SCML2: variants seen among roughly 807,000 people sequenced by gnomAD.
The protein encoded by SCML2 is Scm polycomb group protein like 2.
A neutral mutation model predicts 48.4 loss-of-function variants in SCML2; 6 were observed. The ratio of observed to expected loss-of-function variants is 0.12; its 90% CI spans 0.07 to 0.24. The LOEUF is 0.24. SCML2 is among the 10% of genes least tolerant of loss of function. SCML2 has a pLI of 1.00. For missense variants in SCML2, 377 were observed against 528.2 expected (o/e 0.71, Z 2.81); for synonymous variants, 181 against 189.5 (o/e 0.95, Z 0.37).
In SCML2 at chrX:18,278,096, T is replaced by G. The variant is rs1008950761; in HGVS notation, c.731-12294A>C. Among the ~76,000 whole-genome samples, 7 of 112,105 alleles carry G rather than the reference T, an allele frequency of 6.2e-5. No homozygotes were observed. The East Asian group carries it at 2.0e-3, about 31-fold the overall frequency. ...TCACTTGAGCCTGGAAGGCAGAGACTGCAGTGAGCTGAGATCATGCCACTG... is the reference window on the plus strand; with the variant it reads ...TCACTTGAGCCTGGAAGGCAGAGACGGCAGTGAGCTGAGATCATGCCACTG... On this transcript the variant is annotated intron_variant, in intron 7 of 14. Coordinates refer to ENST00000251900, the MANE Select transcript of SCML2 (RefSeq NM_006089.3).
In SCML2 at chrX:18,323,890, T is replaced by C. The variant is rs1288850107; in HGVS notation, c.366A>G (p.Glu122=). ...GAGGTTGAAGTAAGTCTCCTTCCTTTTCACATGTCCCAACAGGTTGTATGT... is the reference window on the plus strand; with the variant it reads ...GAGGTTGAAGTAAGTCTCCTTCCTTCTCACATGTCCCAACAGGTTGTATGT... ...SPDIQPVGTC[E]KEGDLLQPPL... Residue 122 remains glutamate, a synonymous_variant, in exon 5 of 15, where the codon GAA becomes GAG. Transcript: ENST00000251900. 2 of 1,208,499 alleles carry C rather than the reference T, an allele frequency of 1.7e-6. No individual in the cohort carries two copies. The highest frequency in any genetic ancestry group is 1.7e-5 in the African/African-American group (1 of 57,162).
chrX:18,274,289 C>T (rs994440876), intron 7 of SCML2, among the ~76,000 whole-genome samples: 2 of 111,944 alleles, frequency 1.8e-5, no homozygotes, highest in African/African-American at 3.3e-5. Context: ...ACCTGCCCAC[C>T]TGTATGTTCC....
At chrX:18,339,574 C>T (rs772290387) in intron 1 of SCML2, among the ~76,000 whole-genome samples, 2 of 110,668 alleles carry the variant, frequency 1.8e-5, no homozygotes, top group Non-Finnish European at 3.8e-5. Context: ...ATTAGCCGGG[C>T]GTGGTACAGC....
At chrX:18,288,562 T>G (rs966477543) in intron 7 of SCML2, among the ~76,000 whole-genome samples, 1 of 111,909 alleles carries the variant, frequency 8.9e-6, no homozygotes, top group Non-Finnish European at 1.9e-5. Context: ...TAAGTAATAT[T>G]TAGAACAAAA....
chrX:18,305,260 A>G, intron 6 of SCML2, 45 bp from the exon 7 acceptor site: 1 of 1,120,200 alleles, frequency 8.9e-7, no homozygotes, highest in Non-Finnish European at 1.2e-6. Flanking sequence ...GTTAAGATGT[A>G]TTAAGACTCA....
intron 7 of SCML2, among the ~76,000 whole-genome samples, chrX:18,302,785 A>T (rs1432696742): frequency 1.8e-5 from 2 of 112,078 alleles, no homozygotes; most frequent in Non-Finnish European, 3.8e-5. Context: ...TTTGTCAACA[A>T]GACCTATCTT....
In SCML2 at chrX:18,324,026, G is replaced by T; in HGVS notation, c.230C>A (p.Ala77Asp). The part of the protein sequence containing the change: ...MKLEARDPRN[A>D]TSVCIATVIG... The stretch of plus-strand genomic sequence containing the variant: ...AACCGTAGCAATACATACTGAAGTG[G>T]CATTGCGAGGGTCACGGGCTTCCAA... The change falls in exon 5 of 15, where the codon GCC (alanine) becomes GAC (aspartate). Residue 77 changes from alanine (A) to aspartate (D), a missense_variant. Physicochemically the swap from Ala to Asp is moderately radical, Grantham distance 126 (BLOSUM62 -2). Transcript: ENST00000251900. 3 of 1,210,732 alleles carry T rather than the reference G, an allele frequency of 2.5e-6. No homozygotes were observed. The highest frequency in any genetic ancestry group is 3.4e-6 in the Non-Finnish European group (3 of 894,911).
At chrX:18,295,678 G>T (rs1310777620) in intron 7 of SCML2, among the ~76,000 whole-genome samples, 5 of 92,737 alleles carry the variant, frequency 5.4e-5, no homozygotes, top group Non-Finnish European at 8.2e-5. Flanking sequence ...TGGACCAGAT[G>T]ACACCGGTGT....
At chrX:18,246,522 T>C in intron 13 of SCML2, 55 bp downstream of exon 13, 2 of 1,138,599 alleles carry the variant, frequency 1.8e-6, no homozygotes, top group Non-Finnish European at 1.2e-6. Flanking sequence ...CTGTTAGGTA[T>C]GAAAATCTCA....
intron 13 of SCML2, among the ~76,000 whole-genome samples, chrX:18,244,990 C>A (rs776459682): frequency 9.9e-4 from 111 of 111,595 alleles, no homozygotes; most frequent in African/African-American, 3.5e-3. Context: ...AAGAGTACAA[C>A]CCTGGAGTCA....
chrX:18,257,294 A>C (rs2147472368), intron 10 of SCML2, among the ~76,000 whole-genome samples: 1 of 111,980 alleles, frequency 8.9e-6, no homozygotes, highest in African/African-American at 3.2e-5. Flanking sequence ...CTTCTATTCC[A>C]AATATTCCAT....
chrX:18,322,615 C>A (rs781204505), intron 5 of SCML2, among the ~76,000 whole-genome samples: 6 of 111,923 alleles, frequency 5.4e-5, no homozygotes, highest in Non-Finnish European at 9.4e-5. Flanking sequence ...ATATTTTAGC[C>A]GGGCACAGTG....
intron 1 of SCML2, among the ~76,000 whole-genome samples, chrX:18,344,836 C>A (rs2147568715): frequency 1.8e-5 from 2 of 110,920 alleles, no homozygotes; most frequent in East Asian, 5.6e-4. Flanking sequence ...ATACCAGATA[C>A]CCTAGACAAA....
intron 1 of SCML2, among the ~76,000 whole-genome samples, chrX:18,353,203 G>A (rs1470547991): frequency 9.1e-6 from 1 of 109,401 alleles, no homozygotes; most frequent in Non-Finnish European, 1.9e-5. Context: ...TATTTAATGA[G>A]TAATTAAGAA....
At chrX:18,345,211 G>A (rs924971574) in intron 1 of SCML2, among the ~76,000 whole-genome samples, 2 of 110,746 alleles carry the variant, frequency 1.8e-5, no homozygotes, top group African/African-American at 6.6e-5. Flanking sequence ...CTTTTCTCCC[G>A]TGCTAGACAA....
intron 8 of SCML2, among the ~76,000 whole-genome samples, chrX:18,263,659 G>A (rs1328434929): frequency 9.0e-6 from 1 of 111,634 alleles, no homozygotes; most frequent in African/African-American, 3.3e-5. Context: ...GAATAAACGA[G>A]AGTATAAATT....
chrX:18,319,997 A>G (rs750929028), intron 6 of SCML2, among the ~76,000 whole-genome samples: 4 of 112,249 alleles, frequency 3.6e-5, no homozygotes, highest in African/African-American at 1.3e-4. Flanking sequence ...TCCCCCACAA[A>G]AAAGATTCCC....
Position 18,241,065 on chromosome X carries a change from C to A in SCML2, c.*186G>T. Reference sequence around the variant, plus strand: ...CTGGGGGAGTGGCGGCTGTGTCTCCCAAAGCTGGTTGGTGACTCCAGGAAA... The same window carrying A: ...CTGGGGGAGTGGCGGCTGTGTCTCCAAAAGCTGGTTGGTGACTCCAGGAAA... On this transcript the variant is annotated 3_prime_UTR_variant, in exon 15 of 15. Transcript: ENST00000251900. The A allele has an allele frequency of 3.5e-6, 1 of 289,005 alleles. No homozygotes were observed. Among genetic ancestry groups the A allele is most frequent in the South Asian group, 1.0e-4 (1 of 9,946 alleles). The allele number at this position is 289,005 out of a possible 1,213,427, so 23.8% of individuals were successfully genotyped here. A position where few individuals can be genotyped will look rare whatever the true frequency, so the allele number is the denominator to read the frequency against.
intron 7 of SCML2, among the ~76,000 whole-genome samples, chrX:18,287,883 C>T (rs930493987): frequency 5.4e-5 from 6 of 111,317 alleles, no homozygotes; most frequent in Non-Finnish European, 1.1e-4. Context: ...AACTACTCCC[C>T]CCTTCAGCCT....
Sources: gnomAD v4.1 joint callset for allele counts (sites outside exome capture counted in the v4.1 genomes callset) on GRCh38, gnomAD v4.1.1 for gene constraint, MANE v1.5 for transcripts, NCBI Gene and HGNC (gene_info 2026-07-23, HGNC 2026-07-21) for gene names.